The following CSMD1 variants were observed in gnomAD, a reference collection of about 807,000 sequenced individuals.
CSMD1 encodes CUB and sushi domain-containing protein 1.
CSMD1 carries 213 observed loss-of-function variants against 417.5 expected under a neutral mutation model. The observed-to-expected ratio is 0.51, with a 90% CI of 0.46 to 0.57. The LOEUF (loss-of-function observed/expected upper bound fraction) is 0.57, where lower values mean the gene tolerates loss of function less well. Ranked by LOEUF, CSMD1 falls within the 20% of genes least tolerant of loss-of-function variation. The probability of loss-of-function intolerance (pLI) is 0.00; values close to 1 mark genes in which losing one functional copy is unlikely to be tolerated. For synonymous variants in CSMD1, 2,862 were observed against 1,736.8 expected, an observed-to-expected ratio of 1.65 and a Z score of -16.11; for missense variants, 6,923 against 4,529.7, an observed-to-expected ratio of 1.53 and a Z score of -15.17.
chr8:2,955,834 AT>A (rs1802964029), intron 63 of CSMD1, 66 bp from the exon 64 acceptor site: 5 of 1,418,968 alleles, frequency 3.5e-6, no homozygotes, highest in Non-Finnish European at 3.9e-6. Flanking sequence ...GTCTAGAGAA[AT>A]TAATAGATTA....
At chr8:3,857,981 G>A (rs971773976) in intron 5 of CSMD1, among the ~76,000 whole-genome samples, 8 of 152,264 alleles carry the variant, frequency 5.3e-5, no homozygotes, top group Admixed American at 2.0e-4. Flanking sequence ...AAAATTGTTC[G>A]GCATGGTGCG....
At chr8:4,296,272 A>T (rs1447771355) in intron 3 of CSMD1, among the ~76,000 whole-genome samples, 2 of 152,142 alleles carry the variant, frequency 1.3e-5, no homozygotes, top group Admixed American at 6.6e-5. Context: ...ACCAGAATTC[A>T]GAAGTGCCCA....
Position 3,087,111 on chromosome 8 carries a change from G to C in CSMD1, c.7460C>G (p.Thr2487Arg). 2 of 1,613,368 alleles carry C rather than the reference G, an allele frequency of 1.2e-6. No individual in the cohort carries two copies. Among genetic ancestry groups the C allele is most frequent in the Non-Finnish European group, 1.7e-6 (2 of 1,179,824 alleles). ...PLGMYQWDSL[T>R]PLCQAVSCGI... ...GCATTTCTTACCCTGGCAGAGTGGC[G>C]TGAGGGAGTCCCACTGGTACATGCC... The change falls in exon 49 of 70, where the codon ACG becomes AGG. Residue 2487 changes from threonine to arginine, a missense_variant. Transcript: ENST00000635120.
At chr8:4,049,765 T>C (rs1284914229) in intron 3 of CSMD1, among the ~76,000 whole-genome samples, 2 of 152,242 alleles carry the variant, frequency 1.3e-5, no homozygotes, top group Non-Finnish European at 2.9e-5. Context: ...TCTCCATAAA[T>C]GGCCACAGCC....
At chr8:4,673,806 C>G (rs1028704153) in intron 1 of CSMD1, among the ~76,000 whole-genome samples, 2 of 152,106 alleles carry the variant, frequency 1.3e-5, no homozygotes, top group South Asian at 2.1e-4. Context: ...GTTCAGAATA[C>G]ATATATCCAC....
intron 5 of CSMD1, among the ~76,000 whole-genome samples, chr8:3,769,940 T>C (rs552609449): frequency 3.9e-5 from 6 of 152,330 alleles, no homozygotes; most frequent in Admixed American, 6.5e-5. Flanking sequence ...TTACAAAAAA[T>C]AGGCTTTGGG....
intron 18 of CSMD1, chr8:3,375,282 G>C (rs563693444): frequency 1.3e-5 from 2 of 152,296 alleles, no homozygotes; most frequent in South Asian, 4.1e-4. Context: ...TTCAACTGGT[G>C]TGTTTCAGGT....
chr8:3,244,353 A>G (rs1799740827), intron 26 of CSMD1, among the ~76,000 whole-genome samples: 1 of 152,166 alleles, frequency 6.6e-6, no homozygotes, highest in Admixed American at 6.5e-5. Flanking sequence ...AGGTCCTCTT[A>G]GTTATGCAAA....
chr8:3,083,197 T>A (rs184950501), intron 49 of CSMD1, among the ~76,000 whole-genome samples: 90 of 152,188 alleles, frequency 5.9e-4, no homozygotes, highest in African/African-American at 2.0e-3. Flanking sequence ...TAAACAAAAA[T>A]GCTAGTTTTT....
chr8:4,873,802 TA>T (rs1481695773), intron 1 of CSMD1, among the ~76,000 whole-genome samples: 29 of 152,226 alleles, frequency 1.9e-4, no homozygotes, highest in Admixed American at 1.0e-3. Context: ...GGAATCAACA[TA>T]AAGGCCATTT....
At chr8:3,232,649 A>G (rs1423168780) in intron 26 of CSMD1, among the ~76,000 whole-genome samples, 2 of 152,158 alleles carry the variant, frequency 1.3e-5, no homozygotes, top group Non-Finnish European at 2.9e-5. Flanking sequence ...TTGTCCTTTA[A>G]ATTCAATCCC....
chr8:3,476,448 A>T (rs1366088417), intron 11 of CSMD1, among the ~76,000 whole-genome samples: 1 of 152,190 alleles, frequency 6.6e-6, no homozygotes, highest in African/African-American at 2.4e-5. Context: ...TAGGGTAAAT[A>T]CTTAGGAGGT....
chr8:3,093,988 C>G (rs1359181731), intron 47 of CSMD1, among the ~76,000 whole-genome samples: 1 of 151,942 alleles, frequency 6.6e-6, no homozygotes, highest in African/African-American at 2.4e-5. Context: ...AATGTATATT[C>G]TGAGATAAAA....
chr8:3,199,569 A>G, intron 33 of CSMD1, 145 bp downstream of exon 33: 1 of 371,348 alleles, frequency 2.7e-6, no homozygotes, highest in Non-Finnish European at 4.8e-6. Context: ...AAATAATTTT[A>G]TTATAAACAT....
At chr8:4,025,600 T>C (rs1797020011) in intron 4 of CSMD1, among the ~76,000 whole-genome samples, 1 of 152,188 alleles carries the variant, frequency 6.6e-6, no homozygotes, top group African/African-American at 2.4e-5. Context: ...GTAAATCCTT[T>C]TTAAGACTGG....
chr8:4,022,387 T>C (rs561597377), intron 4 of CSMD1, among the ~76,000 whole-genome samples: 3 of 152,138 alleles, frequency 2.0e-5, no homozygotes, highest in East Asian at 1.9e-4. Context: ...GTAAAAATTA[T>C]GGGAGGACAT....
At chr8:3,898,852 G>C (rs1807538446) in intron 5 of CSMD1, among the ~76,000 whole-genome samples, 1 of 152,098 alleles carries the variant, frequency 6.6e-6, no homozygotes, top group African/African-American at 2.4e-5. Flanking sequence ...TCAGGACATA[G>C]CTGATAGCCC....
intron 5 of CSMD1, among the ~76,000 whole-genome samples, chr8:3,878,917 A>T (rs1806014091): frequency 6.6e-6 from 1 of 152,218 alleles, no homozygotes; most frequent in African/African-American, 2.4e-5. Context: ...AGTCTCAGAG[A>T]ATGTACATGA....
At chr8:3,455,077 G>A (rs954927800) in intron 12 of CSMD1, among the ~76,000 whole-genome samples, 1 of 152,094 alleles carries the variant, frequency 6.6e-6, no homozygotes, top group East Asian at 1.9e-4. Context: ...TTCCATCACT[G>A]ATACCCTTTC....
Sources: gnomAD v4.1 joint callset for allele counts (sites outside exome capture counted in the v4.1 genomes callset) on GRCh38, gnomAD v4.1.1 for gene constraint, MANE v1.5 for transcripts, NCBI Gene and HGNC (gene_info 2026-07-23, HGNC 2026-07-21) for gene names.